FOXP2: variants seen among roughly 807,000 people sequenced by gnomAD.
The protein encoded by FOXP2 is forkhead box protein P2.
FOXP2 carries 12 observed loss-of-function variants against 115.8 expected under a neutral mutation model. That is an observed-to-expected ratio of 0.10 (90% CI 0.07 to 0.17). The LOEUF (loss-of-function observed/expected upper bound fraction) is 0.17, where lower values mean the gene tolerates loss of function less well. Ranked by LOEUF, FOXP2 falls within the 10% of genes least tolerant of loss-of-function variation. The pLI is 1.00. For missense variants in FOXP2, 629 were observed against 843.5 expected (o/e 0.75, Z 3.15); for synonymous variants, 328 against 297.7 (o/e 1.10, Z -1.05).
intron 3 of FOXP2, among the ~76,000 whole-genome samples, chr7:114,566,318 A>G (rs756844462): frequency 1.4e-4 from 22 of 152,054 alleles, no homozygotes; most frequent in Non-Finnish European, 2.9e-4. Context: ...TTTTCCTCCA[A>G]ATCTCATGTT....
At chr7:114,358,967 A>G (rs1437681827) in intron 2 of FOXP2, among the ~76,000 whole-genome samples, 3 of 152,184 alleles carry the variant, frequency 2.0e-5, no homozygotes, top group Non-Finnish European at 4.4e-5. Flanking sequence ...AAATTTCTGT[A>G]AGTAACAAGG....
chr7:114,523,206 G>T (rs779204101), intron 2 of FOXP2, among the ~76,000 whole-genome samples: 2 of 152,056 alleles, frequency 1.3e-5, no homozygotes, highest in Non-Finnish European at 2.9e-5. Context: ...TCAATGATAG[G>T]GATGAGATCA....
At chr7:114,653,668 T>C (rs1806411221) in intron 9 of FOXP2, among the ~76,000 whole-genome samples, 1 of 152,166 alleles carries the variant, frequency 6.6e-6, no homozygotes, top group Non-Finnish European at 1.5e-5. Context: ...GAGGCAACTG[T>C]GACCTCAATT....
Position 114,142,641 on chromosome 7 carries a change from T to C in FOXP2, c.-246-20303T>C, listed in dbSNP as rs578071683. Among the ~76,000 whole-genome samples, 535 of 152,316 alleles carry C rather than the reference T, an allele frequency of 3.5e-3. 1 individual carries two copies. The highest frequency in any genetic ancestry group is 5.6e-3 in the Non-Finnish European group (378 of 68,032). ...AAGGAATTGGTTGGCATTTGCCATA[T>C]CATATTCACCTTAAACTCAAGGCAC... On this transcript the variant is annotated intron_variant, in intron 1 of 19. Coordinates refer to the FOXP2 transcript ENST00000635638.
chr7:114,614,981 G>A (rs1037259328), intron 3 of FOXP2, among the ~76,000 whole-genome samples: 1 of 152,074 alleles, frequency 6.6e-6, no homozygotes, highest in Non-Finnish European at 1.5e-5. Context: ...AGTACTTTAG[G>A]AGGCCGAGGC....
At chr7:114,438,592 G>A (rs1794456310) in intron 2 of FOXP2, among the ~76,000 whole-genome samples, 1 of 151,892 alleles carries the variant, frequency 6.6e-6, no homozygotes, top group Admixed American at 6.6e-5. Flanking sequence ...GAATATATGT[G>A]TTTCGTTAGT....
intron 3 of FOXP2, among the ~76,000 whole-genome samples, chr7:114,605,723 G>A (rs538342361): frequency 6.6e-6 from 1 of 152,196 alleles, no homozygotes; most frequent in Admixed American, 6.5e-5. Context: ...TGTTCTAAAT[G>A]TGCTCTGAGG....
intron 1 of FOXP2, among the ~76,000 whole-genome samples, chr7:114,131,717 C>T (rs777518950): frequency 1.3e-5 from 2 of 152,120 alleles, no homozygotes; most frequent in Non-Finnish European, 2.9e-5. Flanking sequence ...GTTTTGAGAT[C>T]CTCAAACTAA....
intron 1 of FOXP2, among the ~76,000 whole-genome samples, chr7:114,229,876 G>A (rs1218814835): frequency 6.6e-6 from 1 of 151,590 alleles, no homozygotes; most frequent in East Asian, 1.9e-4. Flanking sequence ...CTAGAAGAAG[G>A]AAGGAAATCA....
chr7:114,490,928 C>G (rs1047806046), intron 2 of FOXP2, among the ~76,000 whole-genome samples: 2 of 152,096 alleles, frequency 1.3e-5, no homozygotes, highest in Non-Finnish European at 2.9e-5. Context: ...GGGTTGGTTC[C>G]AAGTCTTTGC....
intron 1 of FOXP2, among the ~76,000 whole-genome samples, chr7:114,201,566 T>C (rs1051898791): frequency 1.3e-5 from 2 of 152,350 alleles, no homozygotes; most frequent in Middle Eastern, 3.4e-3. Flanking sequence ...ATTTTTGTTT[T>C]CTTATTTAAT....
rs566740273 is a variant in FOXP2, at chr7:114,092,703, A to AT, written c.-247+4874dup. Among the ~76,000 whole-genome samples the AT allele has an allele frequency of 9.4e-4, 143 of 151,398 alleles. 1 individual carries two copies. Among genetic ancestry groups the AT allele is most frequent in the African/African-American group, 2.0e-3 (81 of 41,298 alleles). The stretch of plus-strand genomic sequence containing the variant: ...ATGTAGACTGTCATAAAATCATCTC[A>AT]TTTTTTTTTAAAAAAAGATCCCCAA... On this transcript the variant is annotated intron_variant, in intron 1 of 19. Transcript: ENST00000635638.
intron 1 of FOXP2, among the ~76,000 whole-genome samples, chr7:114,089,360 A>G (rs1469912115): frequency 6.6e-6 from 1 of 152,118 alleles, no homozygotes. Context: ...CAACTTAAAT[A>G]TAAGTACAAT....
chr7:114,673,305 G>A (rs976381067), intron 16 of FOXP2, among the ~76,000 whole-genome samples: 2 of 152,122 alleles, frequency 1.3e-5, no homozygotes, highest in Non-Finnish European at 2.9e-5. Flanking sequence ...TATCTCAGTG[G>A]CCAACTAATT....
chr7:114,629,619 T>A (rs532250419), intron 4 of FOXP2, 186 bp from the exon 5 acceptor site: 12 of 1,571,138 alleles, frequency 7.6e-6, no homozygotes, highest in Non-Finnish European at 1.0e-5. Context: ...ATTGGAAAAT[T>A]TCAGAGCTGC....
chr7:114,221,567 T>C lies in FOXP2; in HGVS notation c.-102+58479T>C, dbSNP rs558477757. Among the ~76,000 whole-genome samples, 563 of 152,068 alleles carry C rather than the reference T, an allele frequency of 3.7e-3. 1 individual carries two copies. Among genetic ancestry groups the C allele is most frequent in the Non-Finnish European group, 6.6e-3 (450 of 67,934 alleles). On this transcript the variant is annotated intron_variant, in intron 1 of 17. Transcript: ENST00000634411. ...ATTTTCTGTTTATCCATTACCCCCC[T>C]CCCCCAGCCATTGGGTGACATTCTC...
chr7:114,286,849 G>C (rs1157468515), intron 1 of FOXP2, among the ~76,000 whole-genome samples: 1 of 151,986 alleles, frequency 6.6e-6, no homozygotes, highest in African/African-American at 2.4e-5. Context: ...TTGGAGGTGG[G>C]ATTCAACCAG....
At chr7:114,282,759 TG>T in intron 1 of FOXP2, among the ~76,000 whole-genome samples, 1 of 152,174 alleles carries the variant, frequency 6.6e-6, no homozygotes, top group East Asian at 1.9e-4. Context: ...TGTGTATCTC[TG>T]GTGGCAGTTT....
At chr7:114,272,884 A>C (rs1193680899) in intron 1 of FOXP2, among the ~76,000 whole-genome samples, 1 of 151,834 alleles carries the variant, frequency 6.6e-6, no homozygotes, top group Non-Finnish European at 1.5e-5. Context: ...TTTTCAAAGA[A>C]TTAATTTTTA....
Sources: allele counts gnomAD v4.1 joint callset (sites outside exome capture counted in the v4.1 genomes callset), GRCh38; gene constraint gnomAD v4.1.1; transcripts MANE v1.5; gene names NCBI Gene and HGNC (gene_info 2026-07-23, HGNC 2026-07-21).